Variants in SLC22A3 observed in about 807,000 individuals in gnomAD.
SLC22A3 encodes the protein EMT organic cation transporter 3.
A neutral mutation model predicts 59.1 loss-of-function variants in SLC22A3; 51 were observed. The observed-to-expected ratio is 0.86, with a 90% CI of 0.69 to 1.09. The LOEUF (loss-of-function observed/expected upper bound fraction) is 1.09. Among genes scored for constraint, SLC22A3 ranks in the 50% least tolerant of loss-of-function variants. The pLI, the probability that SLC22A3 is intolerant of heterozygous loss-of-function variation, is 0.00. For missense variants in SLC22A3, 711 were observed against 726.3 expected (o/e 0.98, Z 0.24); for synonymous variants, 325 against 292.0 (o/e 1.11, Z -1.15).
At chr6:160,388,605 T>TA (rs150785413) in intron 1 of SLC22A3, among the ~76,000 whole-genome samples, 5 of 152,330 alleles carry the variant, frequency 3.3e-5, no homozygotes, top group African/African-American at 1.2e-4. Flanking sequence ...TATTTTATGA[T>TA]AAAAAATATT....
intron 1 of SLC22A3, among the ~76,000 whole-genome samples, chr6:160,360,334 T>TGTAATC (rs1367508108): frequency 1.2e-4 from 19 of 152,312 alleles, no homozygotes; most frequent in African/African-American, 4.6e-4. Context: ...GGCAGGCTCC[T>TGTAATC]GTAATCCCAG....
chr6:160,384,362 T>C (rs1161958256), intron 1 of SLC22A3, among the ~76,000 whole-genome samples: 7 of 152,252 alleles, frequency 4.6e-5, no homozygotes. Context: ...AATGGAATCA[T>C]ATGCCCAGTT....
chr6:160,365,103 T>C (rs1785161116), intron 1 of SLC22A3, among the ~76,000 whole-genome samples: 1 of 152,180 alleles, frequency 6.6e-6, no homozygotes, highest in Admixed American at 6.5e-5. Flanking sequence ...TTAAAATCTG[T>C]GTGAGATAAT....
intron 1 of SLC22A3, among the ~76,000 whole-genome samples, chr6:160,352,762 C>T (rs1235116958): frequency 6.6e-6 from 1 of 152,198 alleles, no homozygotes; most frequent in African/African-American, 2.4e-5. Context: ...TGGCCCTTGT[C>T]CCTCAGAGTA....
chr6:160,425,316 A>G (rs1003289404), intron 5 of SLC22A3, among the ~76,000 whole-genome samples: 3 of 152,224 alleles, frequency 2.0e-5, no homozygotes, highest in African/African-American at 7.2e-5. Flanking sequence ...CCCAGAAACG[A>G]AAGGGTATGG....
At chr6:160,349,921 A>C (rs1214739295) in intron 1 of SLC22A3, among the ~76,000 whole-genome samples, 3 of 152,152 alleles carry the variant, frequency 2.0e-5, no homozygotes. Context: ...CTACTTGAAG[A>C]GTGGGGAAAA....
At position 160,415,022 on chromosome 6, in the gene SLC22A3, C is replaced by T; in HGVS notation, c.975+4176C>T. Among the ~76,000 whole-genome samples, 1 of 152,144 alleles carries T rather than the reference C, an allele frequency of 6.6e-6. No individual in the cohort carries two copies. Among genetic ancestry groups the T allele is most frequent in the African/African-American group, 2.4e-5 (1 of 41,432 alleles). ...ATTTTCCAGTCTCATCTTGTAAGTT[C>T]CAGTCTCACACATGGAATCACCTAT... On this transcript the variant is annotated intron_variant, in intron 5 of 10. Transcript: ENST00000275300. The surrounding 1 kb of genome is among the most constrained non-coding windows in gnomAD (Gnocchi z 4.1).
chr6:160,368,169 T>C (rs929293237), intron 1 of SLC22A3, among the ~76,000 whole-genome samples: 6 of 152,054 alleles, frequency 3.9e-5, no homozygotes, highest in African/African-American at 1.4e-4. Context: ...CCCCCTACTC[T>C]TAGCAAACCA....
intron 5 of SLC22A3, among the ~76,000 whole-genome samples, chr6:160,419,619 G>C (rs1787646709): frequency 6.6e-6 from 1 of 152,208 alleles, no homozygotes; most frequent in Non-Finnish European, 1.5e-5. Flanking sequence ...ACAGTTATTA[G>C]AAAGAAAGTC....
chr6:160,428,397 C>T (rs1209436900), intron 5 of SLC22A3, among the ~76,000 whole-genome samples: 1 of 152,234 alleles, frequency 6.6e-6, no homozygotes, highest in African/African-American at 2.4e-5. Context: ...ACCAGACTCG[C>T]TCAGTGCAGC....
At chr6:160,450,194 C>T (rs2457566) in intron 10 of SLC22A3, among the ~76,000 whole-genome samples, 64,170 of 151,916 alleles carry the variant, frequency 0.42, 14,020 homozygotes, top group South Asian at 0.61. Flanking sequence ...TTATCTCAAC[C>T]GCATAAGGCA....
rs1360126098 is a variant in SLC22A3, at chr6:160,442,753, G to A, written c.1289-8G>A. On this transcript the variant is annotated splice_polypyrimidine_tract_variant and splice_region_variant and intron_variant, in intron 7 of 10. Coordinates refer to ENST00000275300, the MANE Select transcript of SLC22A3 (RefSeq NM_021977.4). ...AACTCCTCCCTTTCAAACTTTCTGT[G>A]TTTGCAGGAATAGCATGGTTGAGGA... 3 of 1,604,392 alleles carry A rather than the reference G, an allele frequency of 1.9e-6. No individual in the cohort carries two copies. Among genetic ancestry groups the A allele is most frequent in the Non-Finnish European group, 2.6e-6 (3 of 1,171,248 alleles).
At chr6:160,370,086 G>A (rs1269799471) in intron 1 of SLC22A3, among the ~76,000 whole-genome samples, 2 of 152,194 alleles carry the variant, frequency 1.3e-5, no homozygotes, top group Admixed American at 6.5e-5. Flanking sequence ...GTCTTACAAA[G>A]TGGTTCAGAG....
chr6:160,360,180 G>A (rs181551777), intron 1 of SLC22A3, among the ~76,000 whole-genome samples: 19 of 152,086 alleles, frequency 1.2e-4, no homozygotes, highest in African/African-American at 4.3e-4. Context: ...ACAAGCGGCC[G>A]GGCACAGTGG....
chr6:160,362,526 T>C (rs532445635), intron 1 of SLC22A3, among the ~76,000 whole-genome samples: 51 of 152,338 alleles, frequency 3.3e-4, no homozygotes, highest in African/African-American at 1.1e-3. Flanking sequence ...GGTATGGTAG[T>C]GTCTCCATGT....
intron 3 of SLC22A3, among the ~76,000 whole-genome samples, chr6:160,407,839 AGTG>A (rs1360371076): frequency 6.6e-6 from 1 of 152,170 alleles, no homozygotes; most frequent in Non-Finnish European, 1.5e-5. Flanking sequence ...CTTTAAGAGT[AGTG>A]GTGGATTTCT....
At chr6:160,431,324 G>C (rs1788143536) in intron 5 of SLC22A3, among the ~76,000 whole-genome samples, 3 of 152,164 alleles carry the variant, frequency 2.0e-5, no homozygotes. Flanking sequence ...GATTTTCCTG[G>C]ATGAATTCCA....
At chr6:160,378,438 T>G (rs1264265390) in intron 1 of SLC22A3, among the ~76,000 whole-genome samples, 2 of 152,182 alleles carry the variant, frequency 1.3e-5, no homozygotes, top group African/African-American at 4.8e-5. Flanking sequence ...TTACTGCATG[T>G]TCTGACGAGA....
At chr6:160,439,031 G>T (rs1392373245) in intron 7 of SLC22A3, among the ~76,000 whole-genome samples, 2 of 152,004 alleles carry the variant, frequency 1.3e-5, no homozygotes, top group East Asian at 3.9e-4. Flanking sequence ...CATGAATTTT[G>T]GGAGACACTG....
Sources: allele counts gnomAD v4.1 joint callset (sites outside exome capture counted in the v4.1 genomes callset), GRCh38; gene constraint gnomAD v4.1.1; non-coding constraint Gnocchi (gnomAD v3.1); transcripts MANE v1.5; gene names NCBI Gene and HGNC (gene_info 2026-07-23, HGNC 2026-07-21).